The following RNF111 variants were observed in gnomAD, a reference collection of about 807,000 sequenced individuals.
RNF111 encodes ring finger protein 111, also known as E3 ubiquitin-protein ligase Arkadia.
A neutral mutation model predicts 95.1 loss-of-function variants in RNF111; 17 were observed. The observed-to-expected ratio is 0.18, with a 90% CI of 0.12 to 0.27. RNF111 has a LOEUF of 0.27. Among genes scored for constraint, RNF111 ranks in the 10% least tolerant of loss-of-function variants. The pLI is 1.00. For missense variants in RNF111, 1,189 were observed against 1,210.4 expected, an observed-to-expected ratio of 0.98 and a Z score of 0.26; for synonymous variants, 440 against 414.8, an observed-to-expected ratio of 1.06 and a Z score of -0.74.
chr15:59,010,792 G>T (rs1305307461), intron 1 of RNF111, among the ~76,000 whole-genome samples: 1 of 152,188 alleles, frequency 6.6e-6, no homozygotes, highest in Admixed American at 6.5e-5. Context: ...GTTGCCTGAT[G>T]AGAGATGTAG....
At chr15:59,013,698 ACTC>A (rs2039933932) in intron 1 of RNF111, among the ~76,000 whole-genome samples, 1 of 151,986 alleles carries the variant, frequency 6.6e-6, no homozygotes. Context: ...TTAAGTTTCA[ACTC>A]CTGAACGAGG....
intron 2 of RNF111, among the ~76,000 whole-genome samples, chr15:59,039,802 T>C (rs1234203413): frequency 1.3e-5 from 2 of 152,024 alleles, no homozygotes; most frequent in Non-Finnish European, 2.9e-5. Context: ...GTACAACCTC[T>C]GCCTCCCAGG....
chr15:59,092,963 C>A (rs368571487), intron 13 of RNF111, among the ~76,000 whole-genome samples: 7 of 152,304 alleles, frequency 4.6e-5, no homozygotes, highest in East Asian at 1.9e-4. Flanking sequence ...GCACACCACA[C>A]TGCACTCCAG....
chr15:59,012,626 T>G (rs1021807860), intron 1 of RNF111, among the ~76,000 whole-genome samples: 7 of 152,202 alleles, frequency 4.6e-5, no homozygotes, highest in Non-Finnish European at 5.9e-5. Context: ...TTACGTATAA[T>G]TTTTTGACTT....
chr15:59,094,776 A>C lies in RNF111; in HGVS notation c.2844-7A>C, dbSNP rs758510359. On this transcript the variant is annotated splice_polypyrimidine_tract_variant and splice_region_variant and intron_variant, in intron 13 of 13. Transcript: ENST00000348370. ...ATTTTTGCTTTTTGTTTTCTTGCCA[A>C]TAATAGACGTCTTCCATGTATGCAC... 1.3e-6 allele frequency: 2 copies of C among 1,551,094 alleles called. No individual in the cohort carries two copies. Among genetic ancestry groups the C allele is most frequent in the Non-Finnish European group, 1.8e-6 (2 of 1,122,762 alleles).
At chr15:59,022,575 C>A (rs1318873447) in intron 1 of RNF111, among the ~76,000 whole-genome samples, 1 of 152,202 alleles carries the variant, frequency 6.6e-6, no homozygotes, top group African/African-American at 2.4e-5. Context: ...ATGGCTATCC[C>A]TTGTGCAGTC....
chr15:59,046,216 C>G (rs2041700785), intron 2 of RNF111, among the ~76,000 whole-genome samples: 1 of 147,918 alleles, frequency 6.8e-6, no homozygotes, highest in Non-Finnish European at 1.5e-5. Flanking sequence ...TTTTTTGAGA[C>G]AGGATTTCAT....
intron 1 of RNF111, among the ~76,000 whole-genome samples, chr15:59,025,349 G>A (rs998600300): frequency 6.6e-6 from 1 of 152,150 alleles, no homozygotes; most frequent in African/African-American, 2.4e-5. Flanking sequence ...AGAAATTTTA[G>A]TACGAGCTAA....
intron 10 of RNF111, 63 bp from the exon 11 acceptor site, chr15:59,089,604 G>A: frequency 7.9e-7 from 1 of 1,264,874 alleles, no homozygotes; most frequent in South Asian, 1.2e-5. Flanking sequence ...ATTATTCAAT[G>A]TTAACAGTAA....
At chr15:59,052,572 T>A (rs1243904442) in intron 3 of RNF111, 141 bp downstream of exon 3, 21 of 355,486 alleles carry the variant, frequency 5.9e-5, no homozygotes, top group African/African-American at 4.8e-4. Flanking sequence ...TTAGTGGATT[T>A]TTTTTTTTTT....
At chr15:59,063,453 GT>G (rs1295084647) in intron 5 of RNF111, among the ~76,000 whole-genome samples, 1 of 152,128 alleles carries the variant, frequency 6.6e-6, no homozygotes, top group Non-Finnish European at 1.5e-5. Flanking sequence ...CCAAATTATT[GT>G]CCCTGGGTTG....
chr15:59,004,818 G>C (rs1362463856), intron 1 of RNF111, among the ~76,000 whole-genome samples: 1 of 152,150 alleles, frequency 6.6e-6, no homozygotes, highest in Non-Finnish European at 1.5e-5. Flanking sequence ...AAATATCAGA[G>C]AAAGAGTAGG....
chr15:59,066,770 C>T lies in RNF111; in HGVS notation c.1373C>T (p.Ser458Leu), dbSNP rs2042674865. ...CATTTTTTTCTGTTTCAAGATGACTCAAGGAGAACTACATCTAGTGCTGTA... is the reference window on the plus strand; with the variant it reads ...CATTTTTTTCTGTTTCAAGATGACTTAAGGAGAACTACATCTAGTGCTGTA... Reference protein sequence around the residue: ...STTGTSIGDDSRRTTSSAVTE... With the variant: ...STTGTSIGDDLRRTTSSAVTE... Residue 458 changes from serine (S) to leucine (L), a missense_variant, in exon 6 of 14, where the codon TCA becomes TTA. Ser to Leu is a moderately radical substitution (Grantham distance 145). Transcript: ENST00000348370. The T allele has an allele frequency of 6.2e-7, 1 of 1,611,836 alleles. No homozygotes were observed. Among genetic ancestry groups the T allele is most frequent in the African/African-American group, 1.3e-5 (1 of 74,848 alleles).
At chr15:58,996,182 A>G (rs1277015059) in intron 1 of RNF111, among the ~76,000 whole-genome samples, 4 of 152,170 alleles carry the variant, frequency 2.6e-5, no homozygotes, top group African/African-American at 9.6e-5. Context: ...ACTGTTTATT[A>G]AAAACCTGAA....
chr15:59,086,054 A>G (rs2078890530), intron 10 of RNF111, among the ~76,000 whole-genome samples: 1 of 152,142 alleles, frequency 6.6e-6, no homozygotes. Context: ...TGTCAGGAGT[A>G]TACTGTGCTT....
chr15:59,076,113 T>C lies in RNF111; in HGVS notation c.1846T>C (p.Ser616Pro). 6.2e-7 allele frequency: 1 copy of C among 1,614,192 alleles called. No homozygotes were observed. Among genetic ancestry groups the C allele is most frequent in the South Asian group, 1.1e-5 (1 of 91,090 alleles). The change falls in exon 7 of 14, where the codon TCA becomes CCA. Residue 616 changes from serine (S) to proline (P), a missense_variant. This residue lies in a region of RNF111 where 1,024 missense variants were observed against 925.9 expected (regional missense o/e 1.11). Coordinates refer to ENST00000348370, the MANE Select transcript of RNF111 (RefSeq NM_017610.8). ...AAAAAPSQPL[S>P]SIDGYGSSMV... ...TGCTGCTGCCCCAAGTCAACCTTTATCATCAATAGATGGCTATGGATCAAG... is the reference window on the plus strand; with the variant it reads ...TGCTGCTGCCCCAAGTCAACCTTTACCATCAATAGATGGCTATGGATCAAG...
chr15:59,012,003 C>CTTTTTTTTTTTTTTTTTTTTTTTTTTT (rs71425836), intron 1 of RNF111, among the ~76,000 whole-genome samples: 2 of 40,450 alleles, frequency 4.9e-5, no homozygotes, highest in Admixed American at 5.0e-4. Context: ...GTTTGTTTGC[C>CTTTTTTTTTTTTTTTTTTTTTTTTTTT]TTTTTTTTTT....
chr15:59,034,238 G>C (rs187819783), intron 2 of RNF111, among the ~76,000 whole-genome samples: 1 of 152,080 alleles, frequency 6.6e-6, no homozygotes, highest in Non-Finnish European at 1.5e-5. Flanking sequence ...TTTGTCAGTG[G>C]ATATTTGCTG....
At chr15:59,048,889 G>A (rs543915719) in intron 2 of RNF111, among the ~76,000 whole-genome samples, 4 of 152,108 alleles carry the variant, frequency 2.6e-5, no homozygotes, top group South Asian at 2.1e-4. Context: ...CTAGGAGTTC[G>A]AGACCAGCCT....
Sources: gnomAD v4.1 joint callset for allele counts (sites outside exome capture counted in the v4.1 genomes callset) on GRCh38, gnomAD v4.1.1 for gene constraint, gnomAD v4.1.1 regional missense constraint, MANE v1.5 for transcripts, NCBI Gene and HGNC (gene_info 2026-07-23, HGNC 2026-07-21) for gene names.